Variants in EBF1 observed in about 807,000 individuals in gnomAD.
EBF1 encodes EBF transcription factor 1, also known as transcription factor COE1.
A neutral mutation model predicts 68.4 loss-of-function variants in EBF1; 10 were observed. That is an observed-to-expected ratio of 0.15 (90% CI 0.09 to 0.25). The LOEUF (loss-of-function observed/expected upper bound fraction) is 0.25. Ranked by LOEUF, EBF1 falls within the 10% of genes least tolerant of loss-of-function variation. The probability of loss-of-function intolerance (pLI) is 1.00; values close to 1 mark genes in which losing one functional copy is unlikely to be tolerated. For missense variants in EBF1, 509 were observed against 794.4 expected (o/e 0.64, Z 4.32); for synonymous variants, 298 against 299.8 (o/e 0.99, Z 0.06).
intron 6 of EBF1, among the ~76,000 whole-genome samples, chr5:158,994,329 A>ACC (rs1561738115): frequency 1.3e-5 from 2 of 152,228 alleles, no homozygotes; most frequent in Non-Finnish European, 2.9e-5. Flanking sequence ...GGTACTGTGT[A>ACC]CAGTGGCTTT....
chr5:158,812,680 A>G (rs993302043), intron 8 of EBF1, among the ~76,000 whole-genome samples: 1 of 152,100 alleles, frequency 6.6e-6, no homozygotes, highest in South Asian at 2.1e-4. Context: ...CTCAAATTCT[A>G]TCTCAGAAAT....
intron 6 of EBF1, among the ~76,000 whole-genome samples, chr5:158,929,226 G>A (rs1810339213): frequency 6.6e-6 from 1 of 152,152 alleles, no homozygotes; most frequent in Non-Finnish European, 1.5e-5. Context: ...GATGAATCGC[G>A]TGTGGCAAGC....
intron 6 of EBF1, among the ~76,000 whole-genome samples, chr5:159,009,403 T>C (rs1057465250): frequency 4.6e-5 from 7 of 152,202 alleles, no homozygotes; most frequent in South Asian, 2.1e-4. Flanking sequence ...CAAAAGAGCC[T>C]CGTTTAAGAA....
intron 7 of EBF1, among the ~76,000 whole-genome samples, chr5:158,835,041 A>G (rs993498466): frequency 6.6e-6 from 1 of 152,250 alleles, no homozygotes; most frequent in South Asian, 2.1e-4. Context: ...CAGAGGCAAC[A>G]GAGACATAAA....
chr5:159,004,307 G>A (rs572584870), intron 6 of EBF1, among the ~76,000 whole-genome samples: 4 of 150,818 alleles, frequency 2.7e-5, no homozygotes, highest in Admixed American at 6.6e-5. Context: ...GCTTCTCAGT[G>A]ATATCAAATT....
At chr5:158,874,056 T>C (rs183865048) in intron 6 of EBF1, among the ~76,000 whole-genome samples, 1 of 152,200 alleles carries the variant, frequency 6.6e-6, no homozygotes, top group South Asian at 2.1e-4. Context: ...GTGATTTGTA[T>C]AGAGTTGGAA....
intron 6 of EBF1, among the ~76,000 whole-genome samples, chr5:158,895,678 G>A (rs1802034341): frequency 1.3e-5 from 2 of 152,138 alleles, no homozygotes; most frequent in African/African-American, 4.8e-5. Context: ...AAGCAATTCA[G>A]ATCAGGAGGA....
intron 8 of EBF1, among the ~76,000 whole-genome samples, chr5:158,798,292 G>C (rs535460211): frequency 2.6e-5 from 4 of 152,174 alleles, no homozygotes; most frequent in African/African-American, 9.7e-5. Flanking sequence ...TCCTGACTGA[G>C]TCAAACTGTG....
chr5:158,842,000 C>T (rs889556829), intron 6 of EBF1, among the ~76,000 whole-genome samples: 1 of 152,186 alleles, frequency 6.6e-6, no homozygotes, highest in Non-Finnish European at 1.5e-5. Flanking sequence ...ACCTTTCGTC[C>T]AAGACAAATG....
chr5:158,737,621 T>A (rs1296387759), intron 10 of EBF1, among the ~76,000 whole-genome samples: 2 of 152,112 alleles, frequency 1.3e-5, no homozygotes, highest in African/African-American at 4.8e-5. Flanking sequence ...GGTCTCTTGA[T>A]GTGTGACAAC....
At chr5:159,078,044 G>C (rs1439749534) in intron 5 of EBF1, among the ~76,000 whole-genome samples, 1 of 152,032 alleles carries the variant, frequency 6.6e-6, no homozygotes, top group Non-Finnish European at 1.5e-5. Flanking sequence ...CCAGGCTAGT[G>C]TTCTGCTTTA....
At chr5:158,800,946 ATTCT>A (rs1291018530) in intron 8 of EBF1, among the ~76,000 whole-genome samples, 1 of 152,124 alleles carries the variant, frequency 6.6e-6, no homozygotes, top group African/African-American at 2.4e-5. Context: ...TTAATACAAG[ATTCT>A]TTCTTCCTCT....
Position 158,727,369 on chromosome 5 carries a change from C to T in EBF1, c.1125+3700G>A, listed in dbSNP as rs147573603. Among the ~76,000 whole-genome samples, 639 of 152,254 alleles carry T rather than the reference C, an allele frequency of 4.2e-3. 3 individuals carry two copies. The highest frequency in any genetic ancestry group is 0.014 in the African/African-American group (599 of 41,536). On this transcript the variant is annotated intron_variant, in intron 11 of 15. Transcript: ENST00000313708. Reference sequence around the variant, plus strand: ...CATTTCTGACCTTGAACACAGAGAGCGCTCCTTGCCCAATGTGTCTGGATT... The same window carrying T: ...CATTTCTGACCTTGAACACAGAGAGTGCTCCTTGCCCAATGTGTCTGGATT...
intron 6 of EBF1, among the ~76,000 whole-genome samples, chr5:158,978,679 T>C (rs533200341): frequency 5.3e-5 from 8 of 152,084 alleles, no homozygotes; most frequent in African/African-American, 1.9e-4. Flanking sequence ...CTTTTAAGTC[T>C]AAAAACATAT....
chr5:158,760,937 G>A (rs922764560), intron 10 of EBF1, among the ~76,000 whole-genome samples: 2 of 151,928 alleles, frequency 1.3e-5, no homozygotes, highest in Non-Finnish European at 2.9e-5. Flanking sequence ...CATGTTTTTT[G>A]TTTTTGTTTT....
intron 6 of EBF1, among the ~76,000 whole-genome samples, chr5:159,058,999 C>A (rs1254112536): frequency 6.6e-6 from 1 of 152,186 alleles, no homozygotes; most frequent in South Asian, 2.1e-4. Context: ...AGGGACATGG[C>A]CACTTCTGCC....
At chr5:158,971,941 G>A (rs1242858662) in intron 6 of EBF1, among the ~76,000 whole-genome samples, 1 of 152,206 alleles carries the variant, frequency 6.6e-6, no homozygotes, top group Non-Finnish European at 1.5e-5. Flanking sequence ...GGAACCAGAA[G>A]AAGGACACTC....
At chr5:159,028,781 G>A (rs1195363146) in intron 6 of EBF1, among the ~76,000 whole-genome samples, 2 of 152,156 alleles carry the variant, frequency 1.3e-5, no homozygotes, top group African/African-American at 4.8e-5. Flanking sequence ...CTTCTCTGAG[G>A]TGATATTTGA....
At position 159,035,148 on chromosome 5, in the gene EBF1, C is replaced by T. The variant is rs181134379; in HGVS notation, c.554+38248G>A. Among the ~76,000 whole-genome samples the T allele has an allele frequency of 1.9e-4, 29 of 151,758 alleles. No homozygotes were observed. The East Asian group carries it at 4.7e-3, about 24-fold the overall frequency. ...GAAAGAAAGAGAGAGAGAGAGAGAA[C>T]GAGAACCAAGGCAGCTGAGTTTAGA... On this transcript the variant is annotated intron_variant, in intron 6 of 15. Transcript: ENST00000313708.
Sources: allele counts gnomAD v4.1 joint callset (sites outside exome capture counted in the v4.1 genomes callset), GRCh38; gene constraint gnomAD v4.1.1; transcripts MANE v1.5; gene names NCBI Gene and HGNC (gene_info 2026-07-23, HGNC 2026-07-21).